Variants in OTUD7A observed in about 807,000 individuals in gnomAD.
OTUD7A encodes OTU domain-containing protein 7A.
A neutral mutation model predicts 65.7 loss-of-function variants in OTUD7A; 12 were observed. The observed-to-expected ratio is 0.18, with a 90% CI of 0.12 to 0.30. The LOEUF (loss-of-function observed/expected upper bound fraction) is 0.30, where lower values mean the gene tolerates loss of function less well. OTUD7A is among the 10% of genes least tolerant of loss of function. OTUD7A has a pLI of 1.00. For missense variants in OTUD7A, 1,148 were observed against 1,304.8 expected (o/e 0.88, Z 1.85); for synonymous variants, 641 against 586.3 (o/e 1.09, Z -1.35).
intron 5 of OTUD7A, among the ~76,000 whole-genome samples, chr15:31,543,747 A>G (rs775907174): frequency 6.6e-6 from 1 of 151,898 alleles, no homozygotes; most frequent in Non-Finnish European, 1.5e-5. Context: ...ATATTTATGC[A>G]GGATTAAAAA....
At chr15:31,685,819 T>C (rs931339344) in intron 1 of OTUD7A, among the ~76,000 whole-genome samples, 2 of 152,214 alleles carry the variant, frequency 1.3e-5, no homozygotes, top group Non-Finnish European at 2.9e-5. Flanking sequence ...AGAACCAAGA[T>C]GGACATAGGG....
chr15:31,602,771 T>C (rs1472902894), intron 3 of OTUD7A, among the ~76,000 whole-genome samples: 1 of 151,864 alleles, frequency 6.6e-6, no homozygotes, highest in East Asian at 1.9e-4. Context: ...GGATACAAAA[T>C]CAATGTGCAA....
intron 1 of OTUD7A, among the ~76,000 whole-genome samples, chr15:31,717,128 T>G (rs1181778457): frequency 6.6e-6 from 1 of 152,234 alleles, no homozygotes; most frequent in Non-Finnish European, 1.5e-5. Context: ...CAATGTCCTT[T>G]GTAACAAAAT....
At position 31,483,831 on chromosome 15, in the gene OTUD7A, G is replaced by T; in HGVS notation, c.2265C>A (p.Gly755=). ...GTCCGCTGGCGCTCGCACGCCGCGC[G>T]CCTCCCCCCGGGGAGGCCGTGCCGC... ...AAGGTASPGG[G]ARRASASGPV... Residue 755 remains glycine, a synonymous_variant, in exon 13 of 13, where the codon GGC becomes GGA. Coordinates refer to ENST00000307050, the MANE Select transcript of OTUD7A (RefSeq NM_001382637.1). The T allele has an allele frequency of 1.0e-6, 1 of 987,180 alleles. No homozygotes were observed. The highest frequency in any genetic ancestry group is 1.2e-6 in the Non-Finnish European group (1 of 832,704). The allele number at this position is 987,180 out of a possible 1,614,324, so 61.2% of individuals were successfully genotyped here.
At chr15:31,528,038 C>T (rs1235175400) in intron 6 of OTUD7A, among the ~76,000 whole-genome samples, 1 of 152,254 alleles carries the variant, frequency 6.6e-6, no homozygotes, top group Non-Finnish European at 1.5e-5. Context: ...TCCATCCAGC[C>T]ATCCACCCAC....
chr15:31,802,242 T>G (rs1388006228), intron 1 of OTUD7A, among the ~76,000 whole-genome samples: 8 of 151,890 alleles, frequency 5.3e-5, no homozygotes, highest in Admixed American at 5.3e-4. Context: ...GGAGAGCCAT[T>G]CTGAGTCCCA....
At chr15:31,538,820 A>G (rs1042469251) in intron 5 of OTUD7A, among the ~76,000 whole-genome samples, 5 of 152,062 alleles carry the variant, frequency 3.3e-5, no homozygotes, top group Admixed American at 3.3e-4. Flanking sequence ...ACGAGTAAAG[A>G]TCAAGCTGAA....
At chr15:31,577,185 G>C (rs2141179714) in intron 3 of OTUD7A, among the ~76,000 whole-genome samples, 1 of 152,208 alleles carries the variant, frequency 6.6e-6, no homozygotes, top group Admixed American at 6.5e-5. Flanking sequence ...CATCTGTAGA[G>C]ACTCTCCATT....
chr15:31,567,684 T>C (rs1162834860), intron 4 of OTUD7A, among the ~76,000 whole-genome samples: 1 of 152,206 alleles, frequency 6.6e-6, no homozygotes, highest in Non-Finnish European at 1.5e-5. Context: ...GCCCCTCCCA[T>C]CAAAGGCCTA....
At chr15:31,569,158 T>C (rs1020840941) in intron 4 of OTUD7A, among the ~76,000 whole-genome samples, 1 of 152,102 alleles carries the variant, frequency 6.6e-6, no homozygotes, top group Non-Finnish European at 1.5e-5. Context: ...GAAACACACA[T>C]GTGTTGGCAC....
chr15:31,749,499 T>C (rs1335810516), intron 1 of OTUD7A, among the ~76,000 whole-genome samples: 1 of 152,134 alleles, frequency 6.6e-6, no homozygotes, highest in Non-Finnish European at 1.5e-5. Flanking sequence ...AGAGTACAAG[T>C]CTGAGAAGGC....
chr15:31,839,706 G>A (rs924717652), intron 1 of OTUD7A, among the ~76,000 whole-genome samples: 1 of 152,154 alleles, frequency 6.6e-6, no homozygotes, highest in Non-Finnish European at 1.5e-5. Context: ...GTGTGTGTGA[G>A]GGGATTCAGA....
chr15:31,787,301 T>C (rs1162500146), intron 1 of OTUD7A, among the ~76,000 whole-genome samples: 1 of 152,218 alleles, frequency 6.6e-6, no homozygotes, highest in Non-Finnish European at 1.5e-5. Flanking sequence ...GGAATTTAAT[T>C]CTTAAATGAA....
chr15:31,772,234 A>G (rs895198432), intron 1 of OTUD7A, among the ~76,000 whole-genome samples: 1 of 146,900 alleles, frequency 6.8e-6, no homozygotes, highest in Non-Finnish European at 1.5e-5. Context: ...CCTGGGCGAC[A>G]GAGCGAGACT....
chr15:31,533,207 C>T (rs1040162783), intron 5 of OTUD7A, among the ~76,000 whole-genome samples: 28 of 151,620 alleles, frequency 1.8e-4, no homozygotes, highest in African/African-American at 5.1e-4. Flanking sequence ...CATTGGCTAC[C>T]GTGTAGGCCA....
chr15:31,787,391 C>A (rs140793196), intron 1 of OTUD7A: 3 of 152,062 alleles, frequency 2.0e-5, no homozygotes, highest in African/African-American at 7.3e-5. Flanking sequence ...TAATCAGCTA[C>A]GAAAAATGTT....
At chr15:31,555,558 G>A (rs1024013543) in intron 5 of OTUD7A, among the ~76,000 whole-genome samples, 3 of 152,222 alleles carry the variant, frequency 2.0e-5, no homozygotes, top group East Asian at 3.9e-4. Flanking sequence ...TGGCTGTGGG[G>A]TGGAAGGTAC....
intron 1 of OTUD7A, chr15:31,766,431 G>A (rs1487124721): frequency 6.3e-7 from 1 of 1,578,666 alleles, no homozygotes; most frequent in Non-Finnish European, 8.7e-7. Flanking sequence ...TTGTGTGCCA[G>A]TCAACACAGA....
At chr15:31,723,000 G>A (rs751674658) in intron 1 of OTUD7A, among the ~76,000 whole-genome samples, 15 of 152,324 alleles carry the variant, frequency 9.8e-5, no homozygotes, top group African/African-American at 2.9e-4. Flanking sequence ...GTGCCTCAGC[G>A]TTGCTGGAAA....
Sources: gnomAD v4.1 joint callset for allele counts (sites outside exome capture counted in the v4.1 genomes callset) on GRCh38, gnomAD v4.1.1 for gene constraint, MANE v1.5 for transcripts, NCBI Gene and HGNC (gene_info 2026-07-23, HGNC 2026-07-21) for gene names.